The following GPM6A variants were observed in gnomAD, a reference collection of about 807,000 sequenced individuals.
GPM6A encodes neuronal membrane glycoprotein M6-a.
GPM6A carries 7 observed loss-of-function variants against 32.1 expected under a neutral mutation model. The ratio of observed to expected loss-of-function variants is 0.22; its 90% confidence interval spans 0.12 to 0.41. GPM6A has a LOEUF of 0.41. GPM6A is among the 10% of genes least tolerant of loss of function. GPM6A has a pLI of 1.00. For synonymous variants in GPM6A, 130 were observed against 123.4 expected, an observed-to-expected ratio of 1.05 and a Z score of -0.35; for missense variants, 235 against 347.2, an observed-to-expected ratio of 0.68 and a Z score of 2.57.
chr4:175,715,012 A>AAC (rs904266372), intron 1 of GPM6A, among the ~76,000 whole-genome samples: 2 of 150,456 alleles, frequency 1.3e-5, no homozygotes, highest in African/African-American at 4.9e-5. Context: ...AAAAAAAAAA[A>AAC]CTAGCTTGAA....
chr4:175,944,067 T>A (rs1275398973), intron 1 of GPM6A, among the ~76,000 whole-genome samples: 1 of 152,232 alleles, frequency 6.6e-6, no homozygotes, highest in Admixed American at 6.5e-5. Context: ...AACTTGTTAT[T>A]GGTCTATTCA....
At chr4:175,651,694 G>T (rs1485153657) in intron 4 of GPM6A, 140 bp downstream of exon 4, 3 of 657,978 alleles carry the variant, frequency 4.6e-6, no homozygotes, top group Non-Finnish European at 7.9e-6. Flanking sequence ...AGCCTTAGCA[G>T]TAATACTCTG....
At chr4:175,927,613 G>A (rs1738886674) in intron 1 of GPM6A, among the ~76,000 whole-genome samples, 1 of 152,232 alleles carries the variant, frequency 6.6e-6, no homozygotes, top group Admixed American at 6.5e-5. Flanking sequence ...GGCCAGGCAC[G>A]GTGGCTCACG....
At chr4:175,984,274 C>T (rs1421315433) in intron 1 of GPM6A, among the ~76,000 whole-genome samples, 9 of 151,980 alleles carry the variant, frequency 5.9e-5, no homozygotes, top group Admixed American at 2.6e-4. Context: ...GAGATTCTCC[C>T]GCCTCAGCCT....
intron 1 of GPM6A, among the ~76,000 whole-genome samples, chr4:175,940,302 C>CTT (rs3034742): frequency 0.73 from 111,127 of 151,764 alleles, 40,982 homozygotes; most frequent in Admixed American, 0.79. Context: ...TCACAGAAAA[C>CTT]TTACCTATAG....
intron 2 of GPM6A, among the ~76,000 whole-genome samples, chr4:175,677,299 T>C (rs1743425462): frequency 6.6e-6 from 1 of 152,194 alleles, no homozygotes; most frequent in Non-Finnish European, 1.5e-5. Context: ...ATGTTATGTT[T>C]CGGTACCATT....
intron 1 of GPM6A, among the ~76,000 whole-genome samples, chr4:175,897,451 T>C (rs1378874548): frequency 6.6e-6 from 1 of 152,182 alleles, no homozygotes; most frequent in African/African-American, 2.4e-5. Context: ...AGGTCTCTTG[T>C]ATATTGAGAA....
At chr4:175,995,282 G>A (rs1028917507) in intron 1 of GPM6A, among the ~76,000 whole-genome samples, 3 of 150,452 alleles carry the variant, frequency 2.0e-5, no homozygotes, top group African/African-American at 4.9e-5. Context: ...TCCATTAGAG[G>A]AATCACTATG....
intron 1 of GPM6A, among the ~76,000 whole-genome samples, chr4:175,793,612 T>C (rs1219932758): frequency 1.3e-5 from 2 of 151,950 alleles, no homozygotes; most frequent in Non-Finnish European, 2.9e-5. Context: ...CTGACCTCAG[T>C]TGATTCGCCT....
At chr4:175,992,060 GCACA>G (rs1554007513) in intron 1 of GPM6A, among the ~76,000 whole-genome samples, 1,430 of 137,128 alleles carry the variant, frequency 0.01, 25 homozygotes, top group African/African-American at 0.037. Context: ...AAACACACAT[GCACA>G]CACACACACA....
chr4:175,748,215 C>A (rs138598740), intron 1 of GPM6A, among the ~76,000 whole-genome samples: 2 of 152,094 alleles, frequency 1.3e-5, no homozygotes, highest in African/African-American at 4.8e-5. Flanking sequence ...ATGTTTTGAC[C>A]TCCTACCGTG....
chr4:175,854,417 A>G (rs1405763700), intron 1 of GPM6A, among the ~76,000 whole-genome samples: 3 of 152,232 alleles, frequency 2.0e-5, no homozygotes, highest in Non-Finnish European at 4.4e-5. Flanking sequence ...AATCTAATGA[A>G]TGACTGGTGG....
intron 1 of GPM6A, among the ~76,000 whole-genome samples, chr4:175,928,418 C>T (rs1210050034): frequency 2.6e-5 from 4 of 152,198 alleles, no homozygotes; most frequent in African/African-American, 9.6e-5. Context: ...TTTTCTTGTC[C>T]ACACGTGGTG....
chr4:175,768,042 A>T (rs1224946197), intron 1 of GPM6A, among the ~76,000 whole-genome samples: 1 of 152,190 alleles, frequency 6.6e-6, no homozygotes, highest in Non-Finnish European at 1.5e-5. Flanking sequence ...TTCACCCCTA[A>T]AACTGAGGAG....
chr4:175,836,815 G>A (rs953023985), intron 1 of GPM6A, among the ~76,000 whole-genome samples: 2 of 152,156 alleles, frequency 1.3e-5, no homozygotes, highest in Admixed American at 6.5e-5. Flanking sequence ...TGGAACATGA[G>A]ATTAGAACTA....
At chr4:175,919,938 T>C (rs893527156) in intron 1 of GPM6A, among the ~76,000 whole-genome samples, 1 of 152,196 alleles carries the variant, frequency 6.6e-6, no homozygotes, top group Non-Finnish European at 1.5e-5. Flanking sequence ...CAAATCATTA[T>C]CTCCTGTCTA....
At chr4:175,991,991 A>C (rs1399424270) in intron 1 of GPM6A, among the ~76,000 whole-genome samples, 1 of 151,940 alleles carries the variant, frequency 6.6e-6, no homozygotes, top group Non-Finnish European at 1.5e-5. Context: ...TCTTGCACTC[A>C]CATATATAAA....
intron 1 of GPM6A, among the ~76,000 whole-genome samples, chr4:175,870,267 T>G (rs1280657029): frequency 3.6e-5 from 2 of 56,304 alleles, no homozygotes. Flanking sequence ...TTTTTTTCAA[T>G]TTTTTTCAGG....
At chr4:175,762,577 G>A (rs1218420385) in intron 1 of GPM6A, among the ~76,000 whole-genome samples, 2 of 152,020 alleles carry the variant, frequency 1.3e-5, no homozygotes, top group African/African-American at 4.8e-5. Context: ...TTAAATGTCC[G>A]AATCTAAGTA....
Sources: allele counts gnomAD v4.1 joint callset (sites outside exome capture counted in the v4.1 genomes callset), GRCh38; gene constraint gnomAD v4.1.1; transcripts MANE v1.5; gene names NCBI Gene and HGNC (gene_info 2026-07-23, HGNC 2026-07-21).